Variants in PJA2 observed in about 807,000 individuals in gnomAD.
The protein encoded by PJA2 is praja ring finger ubiquitin ligase 2, also known as E3 ubiquitin-protein ligase Praja-2.
PJA2 carries 25 observed loss-of-function variants against 69.3 expected under a neutral mutation model. The ratio of observed to expected loss-of-function variants is 0.36; its 90% CI spans 0.26 to 0.50. PJA2 has a LOEUF of 0.50. PJA2 is among the 20% of genes least tolerant of loss of function. PJA2 has a pLI of 0.96. For missense variants in PJA2, 809 were observed against 830.2 expected (o/e 0.97, Z 0.31); for synonymous variants, 308 against 277.8 (o/e 1.11, Z -1.08).
At chr5:109,407,147 T>A (rs1023370708) in intron 1 of PJA2, among the ~76,000 whole-genome samples, 3 of 152,186 alleles carry the variant, frequency 2.0e-5, no homozygotes, top group African/African-American at 7.2e-5. Flanking sequence ...ACAGAGCACA[T>A]ATTTGTCAAA....
At chr5:109,343,649 CAT>C (rs1206382886) in intron 9 of PJA2, among the ~76,000 whole-genome samples, 1 of 152,126 alleles carries the variant, frequency 6.6e-6, no homozygotes, top group Non-Finnish European at 1.5e-5. Flanking sequence ...TGATTAAAAA[CAT>C]GTTGTTATTA....
Position 109,378,581 on chromosome 5 carries a change from C to A in PJA2, c.906G>T (p.Arg302Ser), listed in dbSNP as rs1204618834. The A allele has an allele frequency of 3.1e-5, 50 of 1,614,118 alleles. No individual in the cohort carries two copies. Among genetic ancestry groups the A allele is most frequent in the Non-Finnish European group, 4.2e-5 (50 of 1,180,010 alleles). The change falls in exon 4 of 10, where the codon AGG becomes AGT. Residue 302 changes from arginine to serine, a missense_variant. Transcript: ENST00000361189. ...CAGGAGAACTTCCATGGTTCTTTTC[C>A]CTATCATTGGTATTTTGTTCACTAC... Reference protein sequence around the residue: ...HICSEQNTNDREKNHGSSPEQ... With the variant: ...HICSEQNTNDSEKNHGSSPEQ...
intron 5 of PJA2, among the ~76,000 whole-genome samples, chr5:109,367,424 C>T (rs1230885428): frequency 6.6e-6 from 1 of 151,094 alleles, no homozygotes; most frequent in Non-Finnish European, 1.5e-5. Flanking sequence ...AAAATAGTTC[C>T]CATGAGACTA....
At chr5:109,350,271 T>C (rs1247333632) in intron 7 of PJA2, among the ~76,000 whole-genome samples, 1 of 151,324 alleles carries the variant, frequency 6.6e-6, no homozygotes, top group Non-Finnish European at 1.5e-5. Context: ...GCCACTAGTA[T>C]GAAAATCTAT....
At chr5:109,361,818 AT>A (rs1042316595) in intron 6 of PJA2, among the ~76,000 whole-genome samples, 10 of 152,178 alleles carry the variant, frequency 6.6e-5, no homozygotes, top group Admixed American at 1.3e-4. Flanking sequence ...TTCTCCACAC[AT>A]TTTTTTCCCC....
intron 7 of PJA2, among the ~76,000 whole-genome samples, chr5:109,348,510 T>A (rs952956420): frequency 6.6e-6 from 1 of 152,144 alleles, no homozygotes; most frequent in African/African-American, 2.4e-5. Context: ...ACTGATAACT[T>A]TGAATCCCCA....
At chr5:109,379,840 T>C (rs1471835677) in intron 3 of PJA2, among the ~76,000 whole-genome samples, 1 of 152,228 alleles carries the variant, frequency 6.6e-6, no homozygotes, top group African/African-American at 2.4e-5. Flanking sequence ...AGATGTGTTA[T>C]AGTTATGACT....
intron 4 of PJA2, among the ~76,000 whole-genome samples, chr5:109,375,453 A>C (rs1327593877): frequency 6.6e-6 from 1 of 152,170 alleles, no homozygotes; most frequent in Non-Finnish European, 1.5e-5. Flanking sequence ...GGTTGCAGCG[A>C]GCCGAGATCA....
chr5:109,406,032 A>G (rs1453042164), intron 1 of PJA2, among the ~76,000 whole-genome samples: 1 of 146,736 alleles, frequency 6.8e-6, no homozygotes, highest in Non-Finnish European at 1.5e-5. Context: ...ACTCAATAAG[A>G]CAAACCCATT....
At chr5:109,371,483 C>T (rs1468699566) in intron 4 of PJA2, among the ~76,000 whole-genome samples, 2 of 152,200 alleles carry the variant, frequency 1.3e-5, no homozygotes, top group African/African-American at 2.4e-5. Flanking sequence ...TCTTTCTCTG[C>T]ACAATGGCTC....
At chr5:109,353,605 A>G (rs1340515019) in intron 7 of PJA2, among the ~76,000 whole-genome samples, 1 of 144,140 alleles carries the variant, frequency 6.9e-6, no homozygotes, top group African/African-American at 2.5e-5. Flanking sequence ...CTATAATATC[A>G]TAGACATCTA....
chr5:109,398,940 C>G (rs971299711), intron 1 of PJA2, among the ~76,000 whole-genome samples: 16 of 151,976 alleles, frequency 1.1e-4, no homozygotes, highest in Non-Finnish European at 2.2e-4. Flanking sequence ...GGGCCGGGTG[C>G]AGGGCTCAGG....
At chr5:109,343,309 G>A (rs1326195766) in intron 9 of PJA2, among the ~76,000 whole-genome samples, 261 of 22,876 alleles carry the variant, frequency 0.011, no homozygotes, top group African/African-American at 0.018. Context: ...AAGAAAGAAA[G>A]AAAAAAAGAA....
At chr5:109,343,273 C>CAAAAAAAAAAAAAAA in intron 9 of PJA2, among the ~76,000 whole-genome samples, 1 of 19,390 alleles carries the variant, frequency 5.2e-5, no homozygotes, top group Non-Finnish European at 8.1e-5. Context: ...AAGGGCGGTG[C>CAAAAAAAAAAAAAAA]AAAAAAAAAA....
intron 6 of PJA2, among the ~76,000 whole-genome samples, chr5:109,359,006 G>A (rs1762468098): frequency 6.6e-6 from 1 of 152,054 alleles, no homozygotes; most frequent in East Asian, 1.9e-4. Flanking sequence ...CTGGGTAGGT[G>A]GGTACCCTTA....
rs111232551 is a variant in PJA2 at position 109,397,976 on chromosome 5, C to T, written c.-88+11866G>A. Among the ~76,000 whole-genome samples the T allele has an allele frequency of 3.7e-3, 559 of 152,232 alleles. 5 individuals are homozygous for T. The highest frequency in any genetic ancestry group is 0.013 in the African/African-American group (535 of 41,530). ...ACTTACAAGAAAAAAACAACCCCAT[C>T]AAAAAGTGGGTGAAGGATAGGAACA... On this transcript the variant is annotated intron_variant, in intron 1 of 9. Transcript: ENST00000361189.
At chr5:109,348,584 G>A (rs246100) in intron 7 of PJA2, among the ~76,000 whole-genome samples, 66,051 of 152,000 alleles carry the variant, frequency 0.43, 17,637 homozygotes, top group Non-Finnish European at 0.59. Flanking sequence ...GGCTTCCTCT[G>A]CTTGAAAACC....
intron 7 of PJA2, among the ~76,000 whole-genome samples, chr5:109,351,202 G>A (rs1762244907): frequency 6.6e-6 from 1 of 151,366 alleles, no homozygotes; most frequent in Non-Finnish European, 1.5e-5. Flanking sequence ...AGAATTCAGT[G>A]ACAATGCCAT....
chr5:109,386,134 A>AG (rs1207583093), intron 1 of PJA2, among the ~76,000 whole-genome samples: 1 of 151,956 alleles, frequency 6.6e-6, no homozygotes, highest in African/African-American at 2.4e-5. Context: ...AAAAAAAAAA[A>AG]GTTTCAGATT....
Sources: allele counts gnomAD v4.1 joint callset (sites outside exome capture counted in the v4.1 genomes callset), GRCh38; gene constraint gnomAD v4.1.1; transcripts MANE v1.5; gene names NCBI Gene and HGNC (gene_info 2026-07-23, HGNC 2026-07-21).